DAAM2: variants seen among roughly 807,000 people sequenced by gnomAD.
DAAM2 encodes disheveled-associated activator of morphogenesis 2.
In DAAM2, 39 loss-of-function variants were observed where a neutral mutation model predicts 120.7. The ratio of observed to expected loss-of-function variants is 0.32; its 90% CI spans 0.25 to 0.42. DAAM2 has a LOEUF of 0.42. DAAM2 is among the 10% of genes least tolerant of loss of function. The pLI is 1.00. For synonymous variants in DAAM2, 488 were observed against 524.9 expected (o/e 0.93, Z 0.96); for missense variants, 1,283 against 1,401.7 (o/e 0.92, Z 1.35).
intron 1 of DAAM2, among the ~76,000 whole-genome samples, chr6:39,830,756 G>A (rs1230688692): frequency 6.6e-6 from 1 of 152,176 alleles, no homozygotes; most frequent in Non-Finnish European, 1.5e-5. Context: ...AGCTGCCTGG[G>A]TCAAGACTGC....
At chr6:39,899,392 G>T (rs114826950) in intron 22 of DAAM2, among the ~76,000 whole-genome samples, 2 of 152,246 alleles carry the variant, frequency 1.3e-5, no homozygotes, top group Non-Finnish European at 2.9e-5. Context: ...ATGGCTTCTC[G>T]GCTGATACTA....
rs780607899 is a variant in DAAM2 at position 39,875,485 on chromosome 6, C to T, written c.1301+17C>T. Reference sequence around the variant, plus strand: ...CGTCAACATGTGAGCAGTGGCCAGCCTTTGCCCTGTCTTCCTCCACCTTCC... The same window carrying T: ...CGTCAACATGTGAGCAGTGGCCAGCTTTTGCCCTGTCTTCCTCCACCTTCC... On this transcript the variant is annotated intron_variant, in intron 11 of 24. Transcript: ENST00000274867. The T allele has an allele frequency of 1.7e-5, 28 of 1,608,540 alleles. No homozygotes were observed. The highest frequency in any genetic ancestry group is 2.4e-5 in the Non-Finnish European group (28 of 1,176,580).
In DAAM2 at chr6:39,868,933, G is replaced by A; in HGVS notation, c.873G>A (p.Glu291=). The A allele has an allele frequency of 6.4e-7, 1 of 1,565,100 alleles. No individual in the cohort carries two copies. Among genetic ancestry groups the A allele is most frequent in the Non-Finnish European group, 8.7e-7 (1 of 1,152,834 alleles). ...CTGTCCTCAATGCTGGAGCTGGAGAGGTGGGGTGCCTTCTCCTTGCCCTTG... is the reference window on the plus strand; with the variant it reads ...CTGTCCTCAATGCTGGAGCTGGAGAAGTGGGGTGCCTTCTCCTTGCCCTTG... ...INAVLNAGAG[E]DNLEFRLHLR... The change falls in exon 7 of 25, where the codon GAG becomes GAA. Residue 291 remains glutamate, a splice_region_variant and synonymous_variant. Transcript: ENST00000274867.
At chr6:39,842,223 G>A (rs1582657391) in intron 1 of DAAM2, among the ~76,000 whole-genome samples, 1 of 152,158 alleles carries the variant, frequency 6.6e-6, no homozygotes, top group South Asian at 2.1e-4. Flanking sequence ...GTTAGATGTC[G>A]TTCCTTTAGG....
chr6:39,899,885 G>T, intron 22 of DAAM2, 192 bp from the exon 23 acceptor site: 1 of 570,406 alleles, frequency 1.8e-6, no homozygotes, highest in South Asian at 2.3e-5. Context: ...TCTAGAGAAA[G>T]AAAGATGGCA....
chr6:39,801,231 T>C (rs1761853118), intron 1 of DAAM2, among the ~76,000 whole-genome samples: 1 of 152,180 alleles, frequency 6.6e-6, no homozygotes, highest in Non-Finnish European at 1.5e-5. Flanking sequence ...AGTACATTTT[T>C]CCCCCTGTGC....
intron 21 of DAAM2, among the ~76,000 whole-genome samples, chr6:39,898,530 A>C (rs1362166143): frequency 1.1e-4 from 17 of 152,252 alleles, no homozygotes. Flanking sequence ...TATTGCTTGC[A>C]GGATCACATA....
chr6:39,865,014 C>A lies in DAAM2; in HGVS notation c.368C>A (p.Thr123Lys). The change falls in exon 5 of 25, where the codon ACG (threonine) becomes AAG (lysine). Residue 123 changes from threonine (T) to lysine (K), a missense_variant. By Grantham distance (78) the Thr-to-Lys change is moderately conservative. Coordinates refer to ENST00000274867, the MANE Select transcript of DAAM2 (RefSeq NM_001201427.2). ...CTGTACGCGTTTGATGAGGAGGAGA[C>A]GGAGATGAGGAACCAAGTCGTGGAA... is the stretch of plus-strand genomic sequence containing the variant. ...QSLYAFDEEETEMRNQVVEDL... is the reference protein window; with the variant it reads ...QSLYAFDEEEKEMRNQVVEDL... 6.2e-7 allele frequency: 1 copy of A among 1,607,746 alleles called. No homozygotes were observed. The highest frequency in any genetic ancestry group is 8.5e-7 in the Non-Finnish European group (1 of 1,177,394).
chr6:39,900,018 C>G, intron 22 of DAAM2, 59 bp from the exon 23 acceptor site: 3 of 1,552,578 alleles, frequency 1.9e-6, no homozygotes, highest in Non-Finnish European at 2.6e-6. Flanking sequence ...TGTGGTGACC[C>G]CTGCACCCGA....
chr6:39,823,240 G>A (rs551823238), intron 1 of DAAM2: 4 of 152,320 alleles, frequency 2.6e-5, no homozygotes, highest in African/African-American at 9.6e-5. Flanking sequence ...TACATCGACA[G>A]ATTCTACTGC....
chr6:39,891,045 A>T (rs1765679335), intron 17 of DAAM2, among the ~76,000 whole-genome samples: 1 of 151,636 alleles, frequency 6.6e-6, no homozygotes, highest in Non-Finnish European at 1.5e-5. Flanking sequence ...GTGAGCTATG[A>T]TCATACCACT....
chr6:39,801,601 A>T (rs1308140638), intron 1 of DAAM2, among the ~76,000 whole-genome samples: 1 of 152,182 alleles, frequency 6.6e-6, no homozygotes, highest in East Asian at 1.9e-4. Context: ...GCCAAATCTG[A>T]TTCCTCCTGA....
At chr6:39,888,520 T>C in intron 16 of DAAM2, 159 bp from the exon 17 acceptor site, 1 of 556,492 alleles carries the variant, frequency 1.8e-6, no homozygotes, top group Non-Finnish European at 3.3e-6. Flanking sequence ...GACTGAATCA[T>C]ACTAGTCTAA....
intron 1 of DAAM2, among the ~76,000 whole-genome samples, chr6:39,802,420 G>A (rs1295885723): frequency 6.6e-6 from 1 of 152,050 alleles, no homozygotes; most frequent in East Asian, 1.9e-4. Context: ...TTGTTTTGGA[G>A]GTAAAGTTAA....
In DAAM2 at chr6:39,902,269, T is replaced by C; in HGVS notation, c.*232T>C. ...TTCTGTGCCCTGGCCCCAGGTATTA[T>C]TCTGAGGCTGCCTTGGATGGCCTCA... On this transcript the variant is annotated 3_prime_UTR_variant, in exon 25 of 25. Transcript: ENST00000274867. The C allele has an allele frequency of 2.4e-6, 1 of 425,384 alleles. No individual in the cohort carries two copies. Among genetic ancestry groups the C allele is most frequent in the East Asian group, 3.7e-5 (1 of 26,778 alleles). 26.4% of individuals were successfully genotyped at this position (425,384 alleles called of 1,614,324 possible). A position where few individuals can be genotyped will look rare whatever the true frequency, so the allele number is the denominator to read the frequency against.
intron 1 of DAAM2, among the ~76,000 whole-genome samples, chr6:39,817,331 T>A (rs949402116): frequency 7.2e-5 from 11 of 152,180 alleles, no homozygotes; most frequent in Non-Finnish European, 1.5e-4. Context: ...AGATTATGCG[T>A]AATAACACAC....
rs374514936 is a variant in DAAM2, at chr6:39,805,407, A to G, written c.-57+12942A>G. Among the ~76,000 whole-genome samples the G allele has an allele frequency of 1.4e-4, 21 of 152,266 alleles. No individual in the cohort carries two copies. In the South Asian group the frequency reaches 3.9e-3, roughly 29 times the overall value. ...GCCTGGAACATAGTATGTACTCCAT[A>G]AATATTTATTATTATTTGCCACATA... On this transcript the variant is annotated intron_variant, in intron 1 of 24. Coordinates refer to ENST00000274867, the MANE Select transcript of DAAM2 (RefSeq NM_001201427.2).
rs79684352 is a variant in DAAM2, at chr6:39,840,380, C to T, written c.-56-15867C>T. 3.6e-3 allele frequency among the ~76,000 whole-genome samples: 552 copies of T among 152,306 alleles called. 3 individuals carry two copies. Among genetic ancestry groups the T allele is most frequent in the African/African-American group, 0.012 (499 of 41,558 alleles). On this transcript the variant is annotated intron_variant, in intron 1 of 24. Coordinates refer to ENST00000274867, the MANE Select transcript of DAAM2 (RefSeq NM_001201427.2). ...AATTGGGATGCTAATACCCACATTT[C>T]GGAGTTTCTTGTGAGAATTAAGTGA...
At chr6:39,812,459 G>C (rs1762191024) in intron 1 of DAAM2, among the ~76,000 whole-genome samples, 1 of 152,134 alleles carries the variant, frequency 6.6e-6, no homozygotes, top group Non-Finnish European at 1.5e-5. Context: ...AGGTGTGCCT[G>C]ACCCTAAGAC....
Sources: allele counts gnomAD v4.1 joint callset (sites outside exome capture counted in the v4.1 genomes callset), GRCh38; gene constraint gnomAD v4.1.1; transcripts MANE v1.5; gene names NCBI Gene and HGNC (gene_info 2026-07-23, HGNC 2026-07-21).